Variants in PLCB1 observed in about 807,000 individuals in gnomAD.
The protein encoded by PLCB1 is phospholipase C beta 1, also known as 1-phosphatidylinositol 4,5-bisphosphate phosphodiesterase beta-1.
Under a neutral mutation model 161.8 loss-of-function variants are expected in PLCB1, and 46 were observed. The observed-to-expected ratio is 0.28, with a 90% confidence interval of 0.22 to 0.36. The LOEUF (loss-of-function observed/expected upper bound fraction) is 0.36, where lower values mean the gene tolerates loss of function less well. Among genes scored for constraint, PLCB1 ranks in the 10% least tolerant of loss-of-function variants. PLCB1 has a pLI of 1.00. For missense variants in PLCB1, 1,016 were observed against 1,472.5 expected (o/e 0.69, Z 5.07); for synonymous variants, 517 against 503.7 (o/e 1.03, Z -0.35).
rs565991738 is a variant in PLCB1, at chr20:8,308,510, G to A, written c.178-62872G>A. Among the ~76,000 whole-genome samples the A allele has an allele frequency of 1.4e-4, 22 of 151,780 alleles. No homozygotes were observed. In the South Asian group the frequency reaches 2.3e-3, roughly 16 times the overall value. ...CAGGTGCCTGTAATCCCAGCTACTC[G>A]GGAGGCTGAGGTAGGAGAATCACTT... On this transcript the variant is annotated intron_variant, in intron 2 of 31. Transcript: ENST00000338037.
In PLCB1 at chr20:8,209,201, G is replaced by GT. The variant is rs201719377; in HGVS notation, c.177+58840dup. On this transcript the variant is annotated intron_variant, in intron 2 of 31. Coordinates refer to ENST00000338037, the MANE Select transcript of PLCB1 (RefSeq NM_015192.4). Reference sequence around the variant, plus strand: ...GGCAGAAGAAAAGAAACTGTTTTTTGTTTTTTTTTTCTAAGTAAGTAAGTA... The same window carrying GT: ...GGCAGAAGAAAAGAAACTGTTTTTTGTTTTTTTTTTTCTAAGTAAGTAAGTA... 1.0e-3 allele frequency among the ~76,000 whole-genome samples: 146 copies of GT among 142,762 alleles called. 6 individuals are homozygous for GT. The highest frequency in any genetic ancestry group is 3.0e-3 in the South Asian group (13 of 4,340). The allele number at this position is 142,762 out of a possible 152,430, so 93.7% of individuals were successfully genotyped here.
At chr20:8,424,319 G>A (rs1336190741) in intron 3 of PLCB1, among the ~76,000 whole-genome samples, 1 of 152,152 alleles carries the variant, frequency 6.6e-6, no homozygotes, top group Non-Finnish European at 1.5e-5. Flanking sequence ...ATTTTTAGGG[G>A]TCTCAGATAA....
intron 4 of PLCB1, among the ~76,000 whole-genome samples, chr20:8,629,970 CTTTCTTTCTTTCTTTCTTTCT>C (rs1988520176): frequency 4.7e-5 from 1 of 21,318 alleles, no homozygotes; most frequent in African/African-American, 1.4e-4. Context: ...TTTCTTCTTT[CTTTCTTTCTTTCTTTCTTTCT>C]TTCTTTCTTT....
chr20:8,834,954 G>T (rs1986221403), intron 31 of PLCB1, among the ~76,000 whole-genome samples: 1 of 151,992 alleles, frequency 6.6e-6, no homozygotes, highest in Non-Finnish European at 1.5e-5. Context: ...ACCTTCAACT[G>T]GTTGGATGAG....
At chr20:8,707,466 G>A (rs1053674890) in intron 11 of PLCB1, among the ~76,000 whole-genome samples, 3 of 152,126 alleles carry the variant, frequency 2.0e-5, no homozygotes, top group Non-Finnish European at 4.4e-5. Context: ...AAATGAGACT[G>A]CACTTTACTA....
intron 2 of PLCB1, among the ~76,000 whole-genome samples, chr20:8,281,106 G>T (rs1400197665): frequency 6.6e-6 from 1 of 152,056 alleles, no homozygotes; most frequent in Non-Finnish European, 1.5e-5. Flanking sequence ...GAGTAAGATG[G>T]CATTGCAAAT....
chr20:8,723,085 C>A (rs188534803), intron 15 of PLCB1, among the ~76,000 whole-genome samples: 1 of 152,264 alleles, frequency 6.6e-6, no homozygotes, highest in Admixed American at 6.5e-5. Context: ...TATGTTCTGT[C>A]TCAACGCTTG....
chr20:8,706,046 C>G (rs1978652394), intron 11 of PLCB1, among the ~76,000 whole-genome samples: 1 of 152,168 alleles, frequency 6.6e-6, no homozygotes, highest in Non-Finnish European at 1.5e-5. Flanking sequence ...TAAGAAGAAA[C>G]CCTAGGATCA....
intron 2 of PLCB1, among the ~76,000 whole-genome samples, chr20:8,335,482 G>A (rs1159173873): frequency 6.6e-6 from 1 of 152,144 alleles, no homozygotes; most frequent in South Asian, 2.1e-4. Flanking sequence ...TATGTTTTGT[G>A]TTGTTATATG....
chr20:8,657,926 T>C (rs1337125823), intron 8 of PLCB1, among the ~76,000 whole-genome samples: 3 of 152,132 alleles, frequency 2.0e-5, no homozygotes, highest in Admixed American at 6.6e-5. Flanking sequence ...AGGTAAACAG[T>C]ACTGCTGAAA....
In PLCB1 at chr20:8,750,539, C is replaced by T. The variant is rs577121409; in HGVS notation, c.2524-6507C>T. 3.9e-5 allele frequency among the ~76,000 whole-genome samples: 6 copies of T among 152,212 alleles called. No individual in the cohort carries two copies. In the South Asian group the frequency reaches 1.0e-3, roughly 26 times the overall value. ...AAATCCCTCTATCCATTTATCTATC[C>T]ATCTTGGTTCAATAGGATGCATTTT... is the stretch of plus-strand genomic sequence containing the variant. On this transcript the variant is annotated intron_variant, in intron 23 of 31. Coordinates refer to ENST00000338037, the MANE Select transcript of PLCB1 (RefSeq NM_015192.4).
intron 2 of PLCB1, among the ~76,000 whole-genome samples, chr20:8,167,167 T>G (rs546928570): frequency 5.3e-5 from 8 of 152,296 alleles, no homozygotes; most frequent in African/African-American, 1.9e-4. Context: ...CTCATAAGCT[T>G]ACAAGCTTTC....
intron 4 of PLCB1, among the ~76,000 whole-genome samples, chr20:8,638,936 T>A (rs545598394): frequency 5.3e-4 from 81 of 152,204 alleles, no homozygotes; most frequent in Non-Finnish European, 9.6e-4. Context: ...TGAGACAAAT[T>A]AAGGATTTTT....
Position 8,221,390 on chromosome 20 carries a change from C to A in PLCB1, c.177+71019C>A, listed in dbSNP as rs144951499. ...TCTAATTGCAATTTTTTTTATATAT[C>A]TTTTAAGTAACTGCAACTTTTGGGC... On this transcript the variant is annotated intron_variant, in intron 2 of 31. Transcript: ENST00000338037. 6.4e-4 allele frequency among the ~76,000 whole-genome samples: 98 copies of A among 152,150 alleles called. 2 individuals are homozygous for A. Among genetic ancestry groups the A allele is most frequent in the Non-Finnish European group, 6.3e-4 (43 of 67,998 alleles).
At chr20:8,384,805 G>T (rs1455347405) in intron 3 of PLCB1, among the ~76,000 whole-genome samples, 4 of 152,128 alleles carry the variant, frequency 2.6e-5, no homozygotes, top group African/African-American at 9.7e-5. Flanking sequence ...GCTGCAGTTT[G>T]CTGGGGGTTC....
At position 8,341,566 on chromosome 20, in the gene PLCB1, A is replaced by G. The variant is rs141676207; in HGVS notation, c.178-29816A>G. 1.1e-3 allele frequency among the ~76,000 whole-genome samples: 161 copies of G among 152,244 alleles called. 1 individual carries two copies. Among genetic ancestry groups the G allele is most frequent in the African/African-American group, 3.7e-3 (155 of 41,554 alleles). ...CTTCATGGGGATGTTTCTTCTCATC[A>G]TGGATATAACCCCTTTGCAGAGGCC... On this transcript the variant is annotated intron_variant, in intron 2 of 31. Coordinates refer to ENST00000338037, the MANE Select transcript of PLCB1 (RefSeq NM_015192.4).
At chr20:8,732,150 A>G (rs1980285659) in intron 18 of PLCB1, 1 of 152,100 alleles carries the variant, frequency 6.6e-6, no homozygotes, top group Non-Finnish European at 1.5e-5. Context: ...AAAAGAGTCT[A>G]TGTAGAATTA....
At chr20:8,425,720 G>A (rs1423344932) in intron 3 of PLCB1, among the ~76,000 whole-genome samples, 1 of 152,008 alleles carries the variant, frequency 6.6e-6, no homozygotes. Flanking sequence ...AACTCCCTAG[G>A]CAATGAGGAG....
At chr20:8,645,998 C>A in intron 4 of PLCB1, 104 bp from the exon 5 acceptor site, 1 of 734,096 alleles carries the variant, frequency 1.4e-6, no homozygotes, top group Non-Finnish European at 2.4e-6. Flanking sequence ...AAACCTTTGG[C>A]ATGCACATTG....
Sources: allele counts gnomAD v4.1 joint callset (sites outside exome capture counted in the v4.1 genomes callset), GRCh38; gene constraint gnomAD v4.1.1; transcripts MANE v1.5; gene names NCBI Gene and HGNC (gene_info 2026-07-23, HGNC 2026-07-21).